The following SEMA4B variants were observed in gnomAD, a reference collection of about 807,000 sequenced individuals.
SEMA4B encodes the protein semaphorin 4B.
Under a neutral mutation model 88.1 loss-of-function variants are expected in SEMA4B, and 55 were observed. The ratio of observed to expected loss-of-function variants is 0.62; its 90% CI spans 0.50 to 0.78. The LOEUF (loss-of-function observed/expected upper bound fraction) is 0.78, where lower values mean the gene tolerates loss of function less well. SEMA4B is among the 30% of genes least tolerant of loss of function. SEMA4B has a pLI of 0.00. For synonymous variants in SEMA4B, 525 were observed against 473.6 expected, an observed-to-expected ratio of 1.11 and a Z score of -1.41; for missense variants, 1,062 against 1,111.9, an observed-to-expected ratio of 0.96 and a Z score of 0.64.
chr15:90,188,552 T>A (rs367710297), intron 1 of SEMA4B, among the ~76,000 whole-genome samples: 6 of 151,604 alleles, frequency 4.0e-5, no homozygotes, highest in African/African-American at 1.5e-4. Context: ...TGCTGGAACC[T>A]GGGAGGCGGA....
rs979073054 is a variant in SEMA4B at position 90,229,603 on chromosome 15, T to C, written c.*960T>C. 1 of 334,758 alleles carries C rather than the reference T, an allele frequency of 3.0e-6. No individual in the cohort carries two copies. Among genetic ancestry groups the C allele is most frequent in the African/African-American group, 2.2e-5 (1 of 45,396 alleles). 20.7% of individuals were successfully genotyped at this position (334,758 alleles called of 1,614,324 possible). On this transcript the variant is annotated 3_prime_UTR_variant, in exon 14 of 14. Transcript: ENST00000411539. ...TGAATTTATGTGGTTTTTATACATT[T>C]TTTAATAAGATGCACTTTATGTCAT... is the stretch of plus-strand genomic sequence containing the variant.
upstream of SEMA4B, among the ~76,000 whole-genome samples, chr15:90,197,504 C>A (rs1038684583): frequency 7.2e-5 from 11 of 151,890 alleles, no homozygotes; most frequent in African/African-American, 2.7e-4. Context: ...GTGGCGCGAT[C>A]TCGGCTCACT....
rs571400112 is a variant in SEMA4B, at chr15:90,208,018, C to T, written c.157+6283C>T. ...CTATAATCCCAGCACTTTGGGAGGC[C>T]GAGGCGGGTGGACCACTTGAGGTCA... On this transcript the variant is annotated intron_variant, in intron 1 of 13. Coordinates refer to ENST00000411539, the MANE Select transcript of SEMA4B (RefSeq NM_198925.4). Among the ~76,000 whole-genome samples, 169 of 152,188 alleles carry T rather than the reference C, an allele frequency of 1.1e-3. 1 individual carries two copies. Among genetic ancestry groups the T allele is most frequent in the African/African-American group, 3.9e-3 (161 of 41,522 alleles).
intron 1 of SEMA4B, among the ~76,000 whole-genome samples, chr15:90,210,135 C>T (rs1567051008): frequency 6.6e-6 from 1 of 152,030 alleles, no homozygotes; most frequent in Non-Finnish European, 1.5e-5. Flanking sequence ...AGAAAATTGG[C>T]AGGATTTGAT....
chr15:90,214,866 TG>T, intron 1 of SEMA4B: 1 of 700,118 alleles, frequency 1.4e-6, no homozygotes, highest in Non-Finnish European at 2.0e-6. Context: ...GGGTTTTCTC[TG>T]CTCCTGATTT....
In SEMA4B at chr15:90,228,211, C is replaced by G; in HGVS notation, c.2082C>G (p.Ser694Arg). Residue 694 changes from serine (S) to arginine (R), a missense_variant, in exon 14 of 14, where the codon AGC (serine) becomes AGG (arginine). Transcript: ENST00000411539. Reference sequence around the variant, plus strand: ...GTGGCAGTGTACCCGTCATTATCAGCACATCGCGTGTGAGTGCACCAGCTG... The same window carrying G: ...GTGGCAGTGTACCCGTCATTATCAGGACATCGCGTGTGAGTGCACCAGCTG... Reference protein sequence around the residue: ...DEGGSVPVIISTSRVSAPAGG... With the variant: ...DEGGSVPVIIRTSRVSAPAGG... The G allele has an allele frequency of 1.2e-6, 2 of 1,608,650 alleles. No individual in the cohort carries two copies. The highest frequency in any genetic ancestry group is 1.7e-6 in the Non-Finnish European group (2 of 1,177,240).
intron 1 of SEMA4B, among the ~76,000 whole-genome samples, chr15:90,210,892 C>T (rs988853887): frequency 3.3e-5 from 5 of 152,076 alleles, no homozygotes; most frequent in African/African-American, 9.7e-5. Flanking sequence ...TGGCTGTTCT[C>T]TTTGGGAGCT....
At chr15:90,215,057 A>G in intron 1 of SEMA4B, 3 of 1,177,954 alleles carry the variant, frequency 2.5e-6, no homozygotes, top group Non-Finnish European at 3.3e-6. Context: ...GTGTGGTCAT[A>G]ACCCACTGGT....
intron 1 of SEMA4B, among the ~76,000 whole-genome samples, chr15:90,207,686 G>A (rs1470378495): frequency 6.6e-6 from 1 of 152,206 alleles, no homozygotes; most frequent in Non-Finnish European, 1.5e-5. Context: ...TCGTACAAAA[G>A]CAGCAAGATG....
At position 90,225,116 on chromosome 15, in the gene SEMA4B, G is replaced by C. The variant is rs771163585; in HGVS notation, c.1343G>C (p.Arg448Pro). Residue 448 changes from arginine to proline, a missense_variant, in exon 10 of 14, where the codon CGC (arginine) becomes CCC (proline). By Grantham distance (103) the Arg-to-Pro change is moderately radical (BLOSUM62 -2). Transcript: ENST00000411539. ...LLLQPQARYQ[R>P]VAVHRVPGLH... is the part of the protein sequence containing the mutation. ...CTGCAGCCCCAGGCTCGCTACCAGC[G>C]CGTGGCTGTACACCGCGTCCCTGGC... 4.3e-6 allele frequency: 7 copies of C among 1,613,452 alleles called. No individual in the cohort carries two copies. The highest frequency in any genetic ancestry group is 5.9e-6 in the Non-Finnish European group (7 of 1,179,842).
At chr15:90,207,910 C>T (rs1961070919) in intron 1 of SEMA4B, among the ~76,000 whole-genome samples, 1 of 152,142 alleles carries the variant, frequency 6.6e-6, no homozygotes, top group Non-Finnish European at 1.5e-5. Flanking sequence ...GGTAGTGGGC[C>T]ACAGCCAGCC....
Position 90,228,427 on chromosome 15 carries a change from C to T in SEMA4B, c.2298C>T (p.Pro766=), listed in dbSNP as rs1457339454. The stretch of plus-strand genomic sequence containing the variant: ...CCAAGACCTGCCCTGTGGTGCTGCC[C>T]CCTGAGACCCGCCCACTCAACGGCC... ...VHPKTCPVVL[P]PETRPLNGLG... Residue 766 remains proline, a synonymous_variant, in exon 14 of 14, where the codon CCC becomes CCT. Transcript: ENST00000411539. 6.2e-7 allele frequency: 1 copy of T among 1,607,546 alleles called. No homozygotes were observed. The highest frequency in any genetic ancestry group is 1.7e-5 in the Admixed American group (1 of 59,334).
exon 1 of SEMA4B, chr15:90,185,039 C>T (rs889895750): frequency 4.1e-6 from 4 of 985,364 alleles, no homozygotes; most frequent in Non-Finnish European, 4.8e-6. Flanking sequence ...AAGAGCGGCC[C>T]CGCGGGGGGC....
At position 90,212,099 on chromosome 15, in the gene SEMA4B, T is replaced by TG. The variant is rs1234934628; in HGVS notation, c.158-5336dup. Among the ~76,000 whole-genome samples, 4 of 151,914 alleles carry TG rather than the reference T, an allele frequency of 2.6e-5. No individual in the cohort carries two copies. In the East Asian group the frequency reaches 7.8e-4, roughly 30 times the overall value. Reference sequence around the variant, plus strand: ...GTCACAGGGAAGGAGGACCCTTACATGGGGCTGAGGGCTGAGTATTCCCAC... The same window carrying TG: ...GTCACAGGGAAGGAGGACCCTTACATGGGGGCTGAGGGCTGAGTATTCCCAC... On this transcript the variant is annotated intron_variant, in intron 1 of 13. Transcript: ENST00000411539. This position sits in a 1 kb window ranked among gnomAD's most constrained non-coding sequence, Gnocchi z 4.0.
intron 12 of SEMA4B, chr15:90,227,300 G>A (rs1056558086): frequency 2.2e-6 from 1 of 450,802 alleles, no homozygotes; most frequent in Non-Finnish European, 3.9e-6. Flanking sequence ...ACCGGCCTTG[G>A]CCTCCCAAAG....
rs375334883 is a variant in SEMA4B, at chr15:90,201,677, C to T, written c.99C>T (p.Leu33=). 14 of 1,513,014 alleles carry T rather than the reference C, an allele frequency of 9.3e-6. No individual in the cohort carries two copies. In the African/African-American group the frequency reaches 2.0e-4, roughly 22 times the overall value. The allele number at this position is 1,513,014 out of a possible 1,614,324, so 93.7% of individuals were successfully genotyped here. The change falls in exon 1 of 14, where the codon CTC becomes CTT. Residue 33 remains leucine, a synonymous_variant. Transcript: ENST00000411539. Reference sequence around the variant, plus strand: ...TGCTGCTGCTCCTGCTGCTGCTGCTCCTGCTGCAGCCGCCGCCTCCGACCT... The same window carrying T: ...TGCTGCTGCTCCTGCTGCTGCTGCTTCTGCTGCAGCCGCCGCCTCCGACCT... ...PPLLLLLLLL[L]LLQPPPPTWA... is the part of the protein sequence containing the mutation.
chr15:90,212,231 C>T lies in SEMA4B; in HGVS notation c.158-5208C>T, dbSNP rs185838266. 8.5e-4 allele frequency among the ~76,000 whole-genome samples: 129 copies of T among 152,236 alleles called. No homozygotes were observed. Among genetic ancestry groups the T allele is most frequent in the African/African-American group, 2.9e-3 (120 of 41,550 alleles). On this transcript the variant is annotated intron_variant, in intron 1 of 13. Coordinates refer to ENST00000411539, the MANE Select transcript of SEMA4B (RefSeq NM_198925.4). This position sits in a 1 kb window ranked among gnomAD's most constrained non-coding sequence, Gnocchi z 4.0. ...TATGTGCCCATTCCATGTGCCGTCT[C>T]CCTCCAGGGAGGGACAGGGCAGCCC... is the stretch of plus-strand genomic sequence containing the variant.
intron 1 of SEMA4B, among the ~76,000 whole-genome samples, chr15:90,215,823 A>G (rs192561199): frequency 6.6e-6 from 1 of 152,270 alleles, no homozygotes; most frequent in African/African-American, 2.4e-5. Flanking sequence ...AAAAATAAAT[A>G]AAATTTGTAT....
At chr15:90,210,539 A>G (rs1177642508) in intron 1 of SEMA4B, among the ~76,000 whole-genome samples, 1 of 151,756 alleles carries the variant, frequency 6.6e-6, no homozygotes, top group African/African-American at 2.4e-5. Flanking sequence ...CATCCCCACC[A>G]CTCCTCCCGG....
Sources: allele counts gnomAD v4.1 joint callset (sites outside exome capture counted in the v4.1 genomes callset), GRCh38; gene constraint gnomAD v4.1.1; non-coding constraint Gnocchi (gnomAD v3.1); transcripts MANE v1.5; gene names NCBI Gene and HGNC (gene_info 2026-07-23, HGNC 2026-07-21).